The following CPNE5 variants were observed in gnomAD, a reference collection of about 807,000 sequenced individuals.
CPNE5 encodes the protein copine-5.
A neutral mutation model predicts 81.1 loss-of-function variants in CPNE5; 42 were observed. The ratio of observed to expected loss-of-function variants is 0.52; its 90% confidence interval spans 0.40 to 0.67. The LOEUF is 0.67. Among genes scored for constraint, CPNE5 ranks in the 30% least tolerant of loss-of-function variants. The pLI is 0.00. For missense variants in CPNE5, 612 were observed against 815.5 expected (o/e 0.75, Z 3.04); for synonymous variants, 313 against 321.5 (o/e 0.97, Z 0.28).
intron 3 of CPNE5, among the ~76,000 whole-genome samples, chr6:36,804,895 A>G (rs1770448230): frequency 6.6e-6 from 1 of 152,224 alleles, no homozygotes; most frequent in Non-Finnish European, 1.5e-5. Context: ...ACAGTGACAG[A>G]TTACTAAGAC....
rs544749028 is a variant in CPNE5, at chr6:36,755,909, C to T, written c.909+336G>A. The T allele has an allele frequency of 1.7e-4, 65 of 377,378 alleles. No individual in the cohort carries two copies. In the South Asian group the frequency reaches 2.3e-3, roughly 13 times the overall value. The allele number at this position is 377,378 out of a possible 1,614,324, so 23.4% of individuals were successfully genotyped here. A position where few individuals can be genotyped will look rare whatever the true frequency, so the allele number is the denominator to read the frequency against. Reference sequence around the variant, plus strand: ...TGATAATATCTGCCTCTCAGGGCAACAACCTGTGAAAAGCACCAACGTGGG... The same window carrying T: ...TGATAATATCTGCCTCTCAGGGCAATAACCTGTGAAAAGCACCAACGTGGG... On this transcript the variant is annotated intron_variant, in intron 13 of 20. Transcript: ENST00000244751.
chr6:36,765,245 G>A, intron 11 of CPNE5, 90 bp downstream of exon 11: 2 of 1,439,566 alleles, frequency 1.4e-6, no homozygotes, highest in African/African-American at 1.4e-5. Flanking sequence ...GCGGGGGGGA[G>A]CCTGGTCACA....
intron 12 of CPNE5, chr6:36,757,324 C>G: frequency 1.0e-6 from 1 of 985,420 alleles, no homozygotes; most frequent in African/African-American, 1.7e-5. Context: ...ACTCATTTCC[C>G]CTTTCCCTGT....
intron 20 of CPNE5, 119 bp downstream of exon 20, chr6:36,743,570 G>A: frequency 2.0e-6 from 2 of 981,432 alleles, no homozygotes; most frequent in East Asian, 2.4e-5. Flanking sequence ...GCCACTTTGG[G>A]GCTCCCAGTG....
intron 20 of CPNE5, 173 bp from the exon 21 acceptor site, chr6:36,742,659 G>C: frequency 2.0e-6 from 2 of 983,442 alleles, no homozygotes; most frequent in East Asian, 1.1e-4. Context: ...CCTGGGTTTG[G>C]GCAGTCAGTA....
At chr6:36,790,991 CG>C (rs901743015) in intron 8 of CPNE5, among the ~76,000 whole-genome samples, 1 of 152,126 alleles carries the variant, frequency 6.6e-6, no homozygotes, top group African/African-American at 2.4e-5. Flanking sequence ...ATAGCTGATC[CG>C]TAGCACTGAC....
At chr6:36,780,792 C>T (rs1660430441) in intron 8 of CPNE5, among the ~76,000 whole-genome samples, 1 of 152,184 alleles carries the variant, frequency 6.6e-6, no homozygotes, top group Non-Finnish European at 1.5e-5. Flanking sequence ...CTGTGTAGGA[C>T]AGTCACTGAG....
intron 6 of CPNE5, among the ~76,000 whole-genome samples, chr6:36,797,198 G>A (rs900636376): frequency 1.3e-5 from 2 of 152,222 alleles, no homozygotes; most frequent in African/African-American, 4.8e-5. Flanking sequence ...GAGCCACCGT[G>A]CCCGGTTCAC....
At chr6:36,819,403 A>G (rs1771845283) in intron 3 of CPNE5, among the ~76,000 whole-genome samples, 1 of 152,106 alleles carries the variant, frequency 6.6e-6, no homozygotes, top group African/African-American at 2.4e-5. Flanking sequence ...TCTGGCCCCC[A>G]CATGTTTCCT....
intron 15 of CPNE5, among the ~76,000 whole-genome samples, chr6:36,747,990 G>A (rs747484156): frequency 1.3e-5 from 2 of 152,232 alleles, no homozygotes; most frequent in Non-Finnish European, 2.9e-5. Flanking sequence ...GAGACTGGGT[G>A]TTCCTCAAGG....
chr6:36,748,136 G>A, intron 15 of CPNE5, 85 bp downstream of exon 15: 1 of 1,243,082 alleles, frequency 8.0e-7, no homozygotes, highest in Non-Finnish European at 1.2e-6. Context: ...GAGTATGAGG[G>A]TCATGGTCCC....
chr6:36,745,651 A>T, intron 16 of CPNE5, 136 bp from the exon 17 acceptor site: 374 of 744,890 alleles, frequency 5.0e-4, no homozygotes, highest in East Asian at 6.5e-4. Context: ...GTGGCGGGGC[A>T]GGGGAGGGAG....
At chr6:36,762,632 T>C (rs1278839966) in intron 12 of CPNE5, among the ~76,000 whole-genome samples, 1 of 152,194 alleles carries the variant, frequency 6.6e-6, no homozygotes, top group Non-Finnish European at 1.5e-5. Flanking sequence ...CCTATCTCTC[T>C]TGCTTGTGAG....
At chr6:36,836,231 C>T (rs185625144) in intron 1 of CPNE5, among the ~76,000 whole-genome samples, 1 of 152,318 alleles carries the variant, frequency 6.6e-6, no homozygotes, top group Admixed American at 6.5e-5. Context: ...GTGTCATTTG[C>T]CTTCAGTGGA....
intron 12 of CPNE5, among the ~76,000 whole-genome samples, chr6:36,759,554 T>C (rs1279622555): frequency 6.6e-6 from 1 of 151,788 alleles, no homozygotes; most frequent in Non-Finnish European, 1.5e-5. Context: ...CCCTGAGGAC[T>C]TCAAGGTCTT....
At chr6:36,829,549 A>T (rs995595714) in intron 1 of CPNE5, among the ~76,000 whole-genome samples, 2 of 151,672 alleles carry the variant, frequency 1.3e-5, no homozygotes, top group South Asian at 2.1e-4. Context: ...ACGGTGGCTC[A>T]CACCTGTAAT....
At chr6:36,743,632 C>T (rs551852143) in intron 20 of CPNE5, 57 bp downstream of exon 20, 34 of 1,544,000 alleles carry the variant, frequency 2.2e-5, no homozygotes, top group South Asian at 6.7e-5. Flanking sequence ...GTGTGAGGTC[C>T]GCCTGGCTAG....
intron 14 of CPNE5, among the ~76,000 whole-genome samples, chr6:36,748,711 C>T (rs1764471565): frequency 6.6e-6 from 1 of 152,148 alleles, no homozygotes; most frequent in Admixed American, 6.6e-5. Context: ...TAGAATACCA[C>T]CCATGAAGTT....
intron 10 of CPNE5, among the ~76,000 whole-genome samples, chr6:36,767,455 A>G (rs1332892128): frequency 6.6e-6 from 1 of 152,182 alleles, no homozygotes; most frequent in Non-Finnish European, 1.5e-5. Context: ...CTGAGCCAGA[A>G]CAAGACCAAG....
Sources: allele counts gnomAD v4.1 joint callset (sites outside exome capture counted in the v4.1 genomes callset), GRCh38; gene constraint gnomAD v4.1.1; transcripts MANE v1.5; gene names NCBI Gene and HGNC (gene_info 2026-07-23, HGNC 2026-07-21).